The following NCKAP5 variants were observed in gnomAD, a reference collection of about 807,000 sequenced individuals.
NCKAP5 encodes nck-associated protein 5.
Under a neutral mutation model 167.0 loss-of-function variants are expected in NCKAP5, and 92 were observed. The ratio of observed to expected loss-of-function variants is 0.55; its 90% CI spans 0.47 to 0.66. The LOEUF (loss-of-function observed/expected upper bound fraction) is 0.66, where lower values mean the gene tolerates loss of function less well. Ranked by LOEUF, NCKAP5 falls within the 30% of genes least tolerant of loss-of-function variation. The pLI is 0.00. For missense variants in NCKAP5, 2,378 were observed against 2,315.0 expected, an observed-to-expected ratio of 1.03 and a Z score of -0.56; for synonymous variants, 891 against 877.4, an observed-to-expected ratio of 1.02 and a Z score of -0.27.
In NCKAP5 at chr2:133,152,406, C is replaced by G. The variant is rs1302273762; in HGVS notation, c.208-22295G>C. ...TGTAAGATTAAACTCTAAACCACTG[C>G]CTTAAGTTACTTTACTCCTGTGAGA... On this transcript the variant is annotated intron_variant, in intron 5 of 19. Transcript: ENST00000409261. Among the ~76,000 whole-genome samples, 3 of 152,116 alleles carry G rather than the reference C, an allele frequency of 2.0e-5. No homozygotes were observed. The East Asian group carries it at 5.8e-4, about 29-fold the overall frequency.
intron 3 of NCKAP5, among the ~76,000 whole-genome samples, chr2:133,444,485 G>C (rs904939232): frequency 6.6e-6 from 1 of 152,160 alleles, no homozygotes; most frequent in Admixed American, 6.5e-5. Flanking sequence ...TAATCTTTGA[G>C]AGGGAAGTTG....
intron 3 of NCKAP5, among the ~76,000 whole-genome samples, chr2:133,361,161 A>T (rs1468385487): frequency 2.6e-5 from 4 of 152,104 alleles, no homozygotes; most frequent in Non-Finnish European, 5.9e-5. Flanking sequence ...ACCAGCCCAC[A>T]ACCAATGTAC....
Position 133,429,301 on chromosome 2 carries a change from T to A in NCKAP5, c.69+88157A>T, listed in dbSNP as rs1468889083. On this transcript the variant is annotated intron_variant, in intron 3 of 19. Transcript: ENST00000409261. ...GTTTTAATTTGGAGCTACTTTTTTT[T>A]AATTTCCATTTTTATTTTGGATTCA... Among the ~76,000 whole-genome samples the A allele has an allele frequency of 3.3e-5, 5 of 152,154 alleles. No homozygotes were observed. In the East Asian group the frequency reaches 7.7e-4, roughly 23 times the overall value.
chr2:132,784,338 G>T lies in NCKAP5; in HGVS notation c.2473C>A (p.Leu825Ile). ...KLMEPEATTL[L>I]PSSGLVTLEK... ...AGAGTCACCAGGCCAGATGAAGGGAGTAGTGTGGTGGCTTCGGGCTCCATT... is the reference window on the plus strand; with the variant it reads ...AGAGTCACCAGGCCAGATGAAGGGATTAGTGTGGTGGCTTCGGGCTCCATT... Residue 825 changes from leucine to isoleucine, a missense_variant, in exon 14 of 20, where the codon CTC becomes ATC. By Grantham distance (5) the Leu-to-Ile change is conservative. Around this residue, in one of 3 missense-constraint regions of NCKAP5, gnomAD observed 1,049 missense variants for 1,023.4 expected, o/e 1.02. Transcript: ENST00000409261. The T allele has an allele frequency of 1.2e-6, 2 of 1,614,068 alleles. No individual in the cohort carries two copies. The highest frequency in any genetic ancestry group is 1.7e-6 in the Non-Finnish European group (2 of 1,179,904).
chr2:133,462,867 T>A (rs1692288729), intron 3 of NCKAP5, among the ~76,000 whole-genome samples: 1 of 152,190 alleles, frequency 6.6e-6, no homozygotes, highest in Admixed American at 6.5e-5. Context: ...ATTTACAAAG[T>A]CGTTTTCTGA....
chr2:133,243,247 T>A (rs546845153), intron 4 of NCKAP5, among the ~76,000 whole-genome samples: 1 of 152,132 alleles, frequency 6.6e-6, no homozygotes, highest in African/African-American at 2.4e-5. Context: ...GAGAGAACCT[T>A]TCCTGTAAGT....
rs186052189 is a variant in NCKAP5 at position 133,383,371 on chromosome 2, C to A, written c.70-80261G>T. On this transcript the variant is annotated intron_variant, in intron 3 of 19. Transcript: ENST00000409261. The stretch of plus-strand genomic sequence containing the variant: ...GAGAATGATGGTTTCCAGCTTCATC[C>A]ATGTCCCTACAAAGGACATGAACTC... Among the ~76,000 whole-genome samples, 11 of 152,252 alleles carry A rather than the reference C, an allele frequency of 7.2e-5. No homozygotes were observed. In the East Asian group the frequency reaches 2.1e-3, roughly 29 times the overall value.
chr2:133,557,271 TAC>T (rs917711953), intron 2 of NCKAP5, among the ~76,000 whole-genome samples: 1 of 152,188 alleles, frequency 6.6e-6, no homozygotes, highest in Non-Finnish European at 1.5e-5. Flanking sequence ...GCTTGGTTGG[TAC>T]ACAGTTTGCT....
chr2:133,075,959 G>C (rs564592761), intron 6 of NCKAP5, among the ~76,000 whole-genome samples: 2 of 152,182 alleles, frequency 1.3e-5, no homozygotes, highest in African/African-American at 4.8e-5. Flanking sequence ...GTCGGGTACT[G>C]AAACCCACTT....
At chr2:132,748,104 C>T (rs1441040428) in intron 16 of NCKAP5, among the ~76,000 whole-genome samples, 3 of 152,190 alleles carry the variant, frequency 2.0e-5, no homozygotes, top group Non-Finnish European at 4.4e-5. Context: ...CTGCAGTTCT[C>T]TTCACTGTGT....
At chr2:133,286,824 T>C (rs1030303246) in intron 4 of NCKAP5, among the ~76,000 whole-genome samples, 1 of 152,124 alleles carries the variant, frequency 6.6e-6, no homozygotes, top group Non-Finnish European at 1.5e-5. Context: ...CATGAAAAAC[T>C]GTCTTTAGAT....
chr2:133,422,038 A>G (rs540559235), intron 3 of NCKAP5, among the ~76,000 whole-genome samples: 2 of 152,350 alleles, frequency 1.3e-5, no homozygotes, highest in East Asian at 3.9e-4. Context: ...ATTCTAGTGG[A>G]GGAAACAGAC....
At chr2:132,955,053 C>A (rs10166218) in intron 8 of NCKAP5, among the ~76,000 whole-genome samples, 1 of 152,154 alleles carries the variant, frequency 6.6e-6, no homozygotes, top group Non-Finnish European at 1.5e-5. Context: ...GTCATAGAAT[C>A]TAAAGATTAG....
chr2:132,752,190 T>C lies in NCKAP5; in HGVS notation c.5129-20139A>G, dbSNP rs117065322. Among the ~76,000 whole-genome samples, 82 of 152,366 alleles carry C rather than the reference T, an allele frequency of 5.4e-4. No homozygotes were observed. In the East Asian group the frequency reaches 0.015, roughly 28 times the overall value. ...CCCATAACTGCATACTGAATAAATATGCCATTTGCAGGCATGCAGGTTTTA... is the reference window on the plus strand; with the variant it reads ...CCCATAACTGCATACTGAATAAATACGCCATTTGCAGGCATGCAGGTTTTA... On this transcript the variant is annotated intron_variant, in intron 16 of 19. Coordinates refer to ENST00000409261, the MANE Select transcript of NCKAP5 (RefSeq NM_207363.3).
Position 133,006,626 on chromosome 2 carries a change from A to AT in NCKAP5, c.342-12388dup, listed in dbSNP as rs11325580. Among the ~76,000 whole-genome samples, 595 of 121,446 alleles carry AT rather than the reference A, an allele frequency of 4.9e-3. 8 individuals are homozygous for AT. The highest frequency in any genetic ancestry group is 5.2e-3 in the Non-Finnish European group (282 of 54,006). 79.7% of individuals were successfully genotyped at this position (121,446 alleles called of 152,430 possible). The stretch of plus-strand genomic sequence containing the variant: ...CACAGTTTTTATTTTATTTTATTTT[A>AT]TTTTTTTTTTGACACATGTTTAGTC... On this transcript the variant is annotated intron_variant, in intron 6 of 19. Coordinates refer to ENST00000409261, the MANE Select transcript of NCKAP5 (RefSeq NM_207363.3).
intron 2 of NCKAP5, among the ~76,000 whole-genome samples, chr2:133,534,492 C>A (rs945169179): frequency 1.1e-4 from 16 of 152,120 alleles, no homozygotes; most frequent in Admixed American, 2.0e-4. Flanking sequence ...GCTTCTCCAT[C>A]CCCTACCCCT....
At chr2:132,728,698 T>C in intron 18 of NCKAP5, 118 bp downstream of exon 18, 1 of 1,394,968 alleles carries the variant, frequency 7.2e-7, no homozygotes. Flanking sequence ...TTATATTCAG[T>C]AAACCAACAG....
At chr2:133,501,780 A>G (rs1159571001) in intron 3 of NCKAP5, among the ~76,000 whole-genome samples, 1 of 152,238 alleles carries the variant, frequency 6.6e-6, no homozygotes, top group African/African-American at 2.4e-5. Context: ...TAATTTGTAC[A>G]TTCTCTTGGA....
At chr2:132,837,685 A>C (rs1317061998) in intron 11 of NCKAP5, among the ~76,000 whole-genome samples, 2 of 151,930 alleles carry the variant, frequency 1.3e-5, no homozygotes, top group African/African-American at 4.8e-5. Flanking sequence ...ATTTATCCTC[A>C]AGTGTCTGGT....
Sources: gnomAD v4.1 joint callset for allele counts (sites outside exome capture counted in the v4.1 genomes callset) on GRCh38, gnomAD v4.1.1 for gene constraint, gnomAD v4.1.1 regional missense constraint, MANE v1.5 for transcripts, NCBI Gene and HGNC (gene_info 2026-07-23, HGNC 2026-07-21) for gene names.